Variants in CWH43 observed in about 807,000 individuals in gnomAD.
CWH43 encodes cell wall biogenesis 43 C-terminal homolog, also known as PGAP2-interacting protein.
CWH43 carries 91 observed loss-of-function variants against 85.7 expected under a neutral mutation model. The ratio of observed to expected loss-of-function variants is 1.06; its 90% CI spans 0.90 to 1.26. The LOEUF is 1.26. Among genes scored for constraint, CWH43 ranks in the 50% most tolerant of loss-of-function variants. The pLI is 0.00. For missense variants in CWH43, 869 were observed against 839.2 expected (o/e 1.04, Z -0.44); for synonymous variants, 323 against 293.6 (o/e 1.10, Z -1.02).
Position 49,001,076 on chromosome 4 carries a change from T to C in CWH43, c.802+2528T>C, listed in dbSNP as rs189347451. Among the ~76,000 whole-genome samples the C allele has an allele frequency of 5.9e-5, 9 of 152,322 alleles. No individual in the cohort carries two copies. The East Asian group carries it at 1.5e-3, about 26-fold the overall frequency. ...CTGTTTTCCCATTGCACAGTTTATG[T>C]TGACAATCCCAACTGGAGACTCAGC... On this transcript the variant is annotated intron_variant, in intron 6 of 15. Coordinates refer to ENST00000226432, the MANE Select transcript of CWH43 (RefSeq NM_025087.3).
intron 8 of CWH43, among the ~76,000 whole-genome samples, chr4:49,016,396 T>G (rs1380321270): frequency 6.6e-6 from 1 of 152,080 alleles, no homozygotes; most frequent in Non-Finnish European, 1.5e-5. Context: ...CTTGGCCTCA[T>G]GGTGTAAGAA....
chr4:49,038,114 G>T lies in CWH43; in HGVS notation c.1737G>T (p.Leu579=), dbSNP rs1313867050. ...LKSSSNQVIF[L]GYITSAPGSR... ...GTAGCTCTAATCAAGTGATATTTCTGGGATATATCACTTCAGCACCTGGCT... is the reference window on the plus strand; with the variant it reads ...GTAGCTCTAATCAAGTGATATTTCTTGGATATATCACTTCAGCACCTGGCT... Residue 579 remains leucine (L), a synonymous_variant, in exon 13 of 16, where the codon CTG becomes CTT. Transcript: ENST00000226432. The T allele has an allele frequency of 4.3e-6, 7 of 1,610,576 alleles. No individual in the cohort carries two copies. The highest frequency in any genetic ancestry group is 1.6e-4 in the Middle Eastern group (1 of 6,072).
intron 9 of CWH43, among the ~76,000 whole-genome samples, chr4:49,023,955 A>G (rs1783826306): frequency 6.6e-6 from 1 of 152,028 alleles, no homozygotes. Flanking sequence ...TGGAGTCCCC[A>G]CTGTTACTGT....
intron 1 of CWH43, among the ~76,000 whole-genome samples, chr4:48,987,387 G>C (rs1296653025): frequency 6.6e-6 from 1 of 152,122 alleles, no homozygotes; most frequent in Admixed American, 6.6e-5. Context: ...GATTAAGAAG[G>C]GGAGGTTGGA....
intron 1 of CWH43, among the ~76,000 whole-genome samples, chr4:48,988,073 G>T (rs2109735472): frequency 6.6e-6 from 1 of 152,192 alleles, no homozygotes; most frequent in East Asian, 1.9e-4. Context: ...CGCAAGGGAT[G>T]TTGAGAGACT....
At chr4:49,037,600 G>C (rs1056319547) in intron 12 of CWH43, among the ~76,000 whole-genome samples, 1 of 151,802 alleles carries the variant, frequency 6.6e-6, no homozygotes, top group African/African-American at 2.4e-5. Flanking sequence ...AGTTGAAGGA[G>C]CTTAGGTTAC....
intron 14 of CWH43, among the ~76,000 whole-genome samples, chr4:49,046,236 T>G (rs1784618200): frequency 6.6e-6 from 1 of 152,186 alleles, no homozygotes. Context: ...TGTAGCTGTA[T>G]AAATCAGTTT....
intron 15 of CWH43, among the ~76,000 whole-genome samples, chr4:49,059,005 T>C (rs1204932217): frequency 1.3e-5 from 2 of 152,186 alleles, no homozygotes; most frequent in Non-Finnish European, 2.9e-5. Context: ...CATGTGAATC[T>C]TCCTCTCCAA....
chr4:48,989,897 T>C (rs1186740648), intron 2 of CWH43, among the ~76,000 whole-genome samples: 1 of 152,218 alleles, frequency 6.6e-6, no homozygotes, highest in East Asian at 1.9e-4. Context: ...ACTGAGTAAA[T>C]ATTAATTGAT....
chr4:49,051,632 A>G (rs1308210802), intron 15 of CWH43, among the ~76,000 whole-genome samples: 2 of 152,152 alleles, frequency 1.3e-5, no homozygotes, highest in Non-Finnish European at 2.9e-5. Flanking sequence ...GCTGGAGTGC[A>G]GTGGCATGAT....
chr4:48,996,229 G>A (rs965513732), intron 5 of CWH43, among the ~76,000 whole-genome samples: 2 of 151,838 alleles, frequency 1.3e-5, no homozygotes, highest in Non-Finnish European at 2.9e-5. Context: ...TATCACAGGG[G>A]ATCCTCCTTT....
chr4:49,042,036 G>C (rs1016851460), intron 13 of CWH43, among the ~76,000 whole-genome samples: 1 of 152,136 alleles, frequency 6.6e-6, no homozygotes, highest in Non-Finnish European at 1.5e-5. Flanking sequence ...GCATTTTTTG[G>C]ATAGACAGAA....
At chr4:49,024,756 G>T (rs1208665011) in intron 9 of CWH43, among the ~76,000 whole-genome samples, 1 of 151,998 alleles carries the variant, frequency 6.6e-6, no homozygotes, top group African/African-American at 2.4e-5. Context: ...TAGGTTACCT[G>T]ATATTTTTGC....
intron 2 of CWH43, among the ~76,000 whole-genome samples, chr4:48,990,306 T>C (rs969106669): frequency 1.2e-4 from 19 of 152,088 alleles, no homozygotes; most frequent in Non-Finnish European, 2.8e-4. Context: ...TTACTCAGAG[T>C]TGAGGAGGAA....
In CWH43 at chr4:49,003,512, G is replaced by C. The variant is rs1490190970; in HGVS notation, c.803-223G>C. ...CTGCCCTTTCTGAGGAAATAGCAGT[G>C]AACTGAGATTTACTAGATCCACATT... On this transcript the variant is annotated intron_variant, in intron 6 of 15. Coordinates refer to ENST00000226432, the MANE Select transcript of CWH43 (RefSeq NM_025087.3). 8.0e-6 allele frequency: 4 copies of C among 501,440 alleles called. No homozygotes were observed. The Admixed American group carries it at 1.4e-4, about 18-fold the overall frequency. 31.1% of individuals were successfully genotyped at this position (501,440 alleles called of 1,614,324 possible).
intron 15 of CWH43, 88 bp downstream of exon 15, chr4:49,050,937 A>T: frequency 1.0e-6 from 1 of 982,112 alleles, no homozygotes; most frequent in Non-Finnish European, 1.5e-6. Flanking sequence ...GCTAGAAATT[A>T]TATTTTGTCC....
At position 49,003,791 on chromosome 4, in the gene CWH43, G is replaced by A; in HGVS notation, c.859G>A (p.Gly287Ser). The A allele has an allele frequency of 6.2e-7, 1 of 1,614,002 alleles. No individual in the cohort carries two copies. The highest frequency in any genetic ancestry group is 8.5e-7 in the Non-Finnish European group (1 of 1,179,932). The part of the protein sequence containing the change: ...YLHTWAAAVS[G>S]CVFAIFTASM... ...GCACACATGGGCAGCTGCTGTGTCT[G>A]GCTGTGTCTTCGCCATCTTTACTGC... is the stretch of plus-strand genomic sequence containing the variant. The change falls in exon 7 of 16, where the codon GGC becomes AGC. Residue 287 changes from glycine (G) to serine (S), a missense_variant. Gly to Ser is a moderately conservative substitution (Grantham distance 56). Coordinates refer to ENST00000226432, the MANE Select transcript of CWH43 (RefSeq NM_025087.3).
chr4:49,040,401 G>A (rs1019754244), intron 13 of CWH43, among the ~76,000 whole-genome samples: 42 of 152,158 alleles, frequency 2.8e-4, no homozygotes, highest in African/African-American at 9.9e-4. Context: ...ATCCTCTCCA[G>A]CACCTGTCGT....
chr4:49,036,426 GCCGT>G (rs1784265030), intron 12 of CWH43, among the ~76,000 whole-genome samples: 1 of 152,154 alleles, frequency 6.6e-6, no homozygotes, highest in South Asian at 2.1e-4. Context: ...TTAACAAATG[GCCGT>G]CCTTTTCACT....
Sources: allele counts gnomAD v4.1 joint callset (sites outside exome capture counted in the v4.1 genomes callset), GRCh38; gene constraint gnomAD v4.1.1; transcripts MANE v1.5; gene names NCBI Gene and HGNC (gene_info 2026-07-23, HGNC 2026-07-21).